Variants in MTMR2 observed in about 807,000 individuals in gnomAD.
The protein encoded by MTMR2 is phosphatidylinositol-3,5-bisphosphate 3-phosphatase MTMR2.
MTMR2 carries 55 observed loss-of-function variants against 86.9 expected under a neutral mutation model. The ratio of observed to expected loss-of-function variants is 0.63; its 90% CI spans 0.51 to 0.79. The LOEUF is 0.79. MTMR2 is among the 30% of genes least tolerant of loss of function. MTMR2 has a pLI of 0.00. For missense variants in MTMR2, 659 were observed against 772.3 expected (o/e 0.85, Z 1.74); for synonymous variants, 241 against 266.8 (o/e 0.90, Z 0.94).
chr11:95,865,852 T>G (rs1055575553), intron 2 of MTMR2, among the ~76,000 whole-genome samples, 176 bp from the exon 3 acceptor site: 4 of 152,212 alleles, frequency 2.6e-5, no homozygotes, highest in Non-Finnish European at 5.9e-5. Context: ...GTTAATGTTT[T>G]TCTAGAAAGC....
intron 1 of MTMR2, among the ~76,000 whole-genome samples, chr11:95,899,679 A>C (rs777802866): frequency 3.9e-5 from 6 of 152,086 alleles, no homozygotes; most frequent in African/African-American, 7.2e-5. Flanking sequence ...AAAGGACTAA[A>C]TATGACTGGG....
chr11:95,872,031 G>T (rs1174927613), intron 2 of MTMR2, among the ~76,000 whole-genome samples: 1 of 152,172 alleles, frequency 6.6e-6, no homozygotes, highest in African/African-American at 2.4e-5. Context: ...GTTTGTCAAA[G>T]ATCAGATAGT....
intron 2 of MTMR2, among the ~76,000 whole-genome samples, chr11:95,881,673 A>G (rs1307189663): frequency 6.6e-6 from 1 of 152,002 alleles, no homozygotes; most frequent in African/African-American, 2.4e-5. Context: ...TTTTTATGTT[A>G]TCTTGTATCC....
At chr11:95,874,839 T>TTATCTTGTCTGTAAAG (rs1374441924) in intron 2 of MTMR2, among the ~76,000 whole-genome samples, 2 of 152,156 alleles carry the variant, frequency 1.3e-5, no homozygotes, top group Non-Finnish European at 2.9e-5. Flanking sequence ...GGATTTTATT[T>TTATCTTGTCTGTAAAG]CTCCTTCACT....
rs376259899 is a variant in MTMR2, at chr11:95,833,335, C to G, written c.*1955G>C. The G allele has an allele frequency of 3.9e-5, 6 of 152,202 alleles. No homozygotes were observed. The East Asian group carries it at 1.2e-3, about 29-fold the overall frequency. The allele number at this position is 152,202 out of a possible 1,614,324, so 9.4% of individuals were successfully genotyped here. ...TAATCAAAAAGGGAAAAAATTACAC[C>G]TGCACAACCAATAGACATACAAAGT... On this transcript the variant is annotated 3_prime_UTR_variant, in exon 15 of 15. Transcript: ENST00000346299.
intron 1 of MTMR2, among the ~76,000 whole-genome samples, chr11:95,905,583 A>G (rs193034583): frequency 2.0e-5 from 3 of 152,302 alleles, no homozygotes; most frequent in Admixed American, 2.0e-4. Flanking sequence ...CTCTTCCTGG[A>G]TATACGCCTC....
chr11:95,854,835 G>T (rs1043427555), intron 7 of MTMR2, among the ~76,000 whole-genome samples: 2 of 149,886 alleles, frequency 1.3e-5, no homozygotes, highest in Non-Finnish European at 1.5e-5. Context: ...TTGAGACAGG[G>T]TCTCACTCTG....
chr11:95,862,249 C>A (rs1418095261), intron 4 of MTMR2, 23 bp downstream of exon 4: 2 of 1,583,444 alleles, frequency 1.3e-6, no homozygotes, highest in Non-Finnish European at 1.7e-6. Context: ...CATGTACATA[C>A]AAAAATCTAA....
intron 2 of MTMR2, among the ~76,000 whole-genome samples, chr11:95,884,568 G>A (rs1302549488): frequency 1.3e-5 from 2 of 152,128 alleles, no homozygotes; most frequent in East Asian, 1.9e-4. Context: ...TGTCAAATGG[G>A]AATAATAACA....
intron 1 of MTMR2, chr11:95,923,555 G>A: frequency 1.5e-6 from 1 of 676,678 alleles, no homozygotes; most frequent in Non-Finnish European, 2.0e-6. Flanking sequence ...TGGGGGCGGG[G>A]GGAACTGTCT....
intron 7 of MTMR2, among the ~76,000 whole-genome samples, chr11:95,853,889 T>C (rs1393554049): frequency 2.0e-5 from 3 of 152,032 alleles, no homozygotes; most frequent in African/African-American, 7.2e-5. Flanking sequence ...GAGCTAAAGG[T>C]CAGATCACTT....
rs997734113 is a variant in MTMR2 at position 95,832,920 on chromosome 11, A to T, written c.*2370T>A. The stretch of plus-strand genomic sequence containing the variant: ...GCTTTATTGCAATTCATTTCAAATA[A>T]GGTTATGTTTACAGACTTGTGGTAG... On this transcript the variant is annotated 3_prime_UTR_variant, in exon 15 of 15. Coordinates refer to ENST00000346299, the MANE Select transcript of MTMR2 (RefSeq NM_016156.6). 11 of 152,176 alleles carry T rather than the reference A, an allele frequency of 7.2e-5. No homozygotes were observed. The highest frequency in any genetic ancestry group is 1.9e-4 in the African/African-American group (8 of 41,452). The allele number at this position is 152,176 out of a possible 1,614,324, so 9.4% of individuals were successfully genotyped here.
At chr11:95,902,063 T>C (rs1041246554) in intron 1 of MTMR2, among the ~76,000 whole-genome samples, 1 of 152,154 alleles carries the variant, frequency 6.6e-6, no homozygotes, top group Non-Finnish European at 1.5e-5. Context: ...TCTCATAGAA[T>C]CTTACTGTTC....
chr11:95,909,947 A>G (rs1372393126), intron 1 of MTMR2, among the ~76,000 whole-genome samples: 1 of 152,110 alleles, frequency 6.6e-6, no homozygotes, highest in Non-Finnish European at 1.5e-5. Context: ...CTAGGCCCTA[A>G]AAGTACTTTT....
At chr11:95,901,413 T>TA (rs927179552) in intron 1 of MTMR2, among the ~76,000 whole-genome samples, 4 of 152,200 alleles carry the variant, frequency 2.6e-5, no homozygotes, top group Admixed American at 2.6e-4. Context: ...AGTACTGCAT[T>TA]AGTAGCCAAC....
intron 6 of MTMR2, 133 bp from the exon 7 acceptor site, chr11:95,857,768 G>A: frequency 1.5e-6 from 1 of 647,876 alleles, no homozygotes; most frequent in Non-Finnish European, 2.8e-6. Flanking sequence ...ATCCTTTTTT[G>A]TATTATAGTT....
rs1864048289 is a variant in MTMR2, at chr11:95,852,225, T to G, written c.655-1476A>C. ...GGTTTCATTAACTTCATTTCATAGA[T>G]AAAGAAACTATGGCACAGTTTGTAA... On this transcript the variant is annotated intron_variant, in intron 7 of 14. Coordinates refer to ENST00000346299, the MANE Select transcript of MTMR2 (RefSeq NM_016156.6). Among the ~76,000 whole-genome samples the G allele has an allele frequency of 2.6e-5, 4 of 152,194 alleles. No individual in the cohort carries two copies. In the South Asian group the frequency reaches 8.3e-4, roughly 32 times the overall value.
At position 95,849,999 on chromosome 11, in the gene MTMR2, A is replaced by G. The variant is rs146008052; in HGVS notation, c.805-137T>C. ...GAAAGGACATCTGAGGCTGCTAAGA[A>G]AAATCATCACCTTTCCTTCAAGCCA... On this transcript the variant is annotated intron_variant, in intron 8 of 14. Transcript: ENST00000346299. The G allele has an allele frequency of 1.9e-3, 1,552 of 812,670 alleles. 21 individuals carry two copies. The African/African-American group carries it at 0.023, about 12-fold the overall frequency. The allele number at this position is 812,670 out of a possible 1,614,324, so 50.3% of individuals were successfully genotyped here. A position where few individuals can be genotyped will look rare whatever the true frequency, so the allele number is the denominator to read the frequency against.
chr11:95,873,448 G>A (rs1392718998), intron 2 of MTMR2, among the ~76,000 whole-genome samples: 1 of 152,168 alleles, frequency 6.6e-6, no homozygotes, highest in Non-Finnish European at 1.5e-5. Context: ...GGGATCGGTG[G>A]TGATCTTCCC....
Sources: gnomAD v4.1 joint callset for allele counts (sites outside exome capture counted in the v4.1 genomes callset) on GRCh38, gnomAD v4.1.1 for gene constraint, MANE v1.5 for transcripts, NCBI Gene and HGNC (gene_info 2026-07-23, HGNC 2026-07-21) for gene names.